The following EPB41L5 variants were observed in gnomAD, a reference collection of about 807,000 sequenced individuals.
EPB41L5 encodes the protein erythrocyte membrane protein band 4.1 like 5.
In EPB41L5, 55 loss-of-function variants were observed where a neutral mutation model predicts 106.6. That is an observed-to-expected ratio of 0.52 (90% CI 0.42 to 0.65). The LOEUF (loss-of-function observed/expected upper bound fraction) is 0.65, where lower values mean the gene tolerates loss of function less well. Ranked by LOEUF, EPB41L5 falls within the 30% of genes least tolerant of loss-of-function variation. The pLI is 0.00. For missense variants in EPB41L5, 871 were observed against 882.1 expected (o/e 0.99, Z 0.16); for synonymous variants, 297 against 306.7 (o/e 0.97, Z 0.33).
chr2:120,059,566 T>A (rs974975606), intron 3 of EPB41L5, among the ~76,000 whole-genome samples: 7 of 152,192 alleles, frequency 4.6e-5, no homozygotes, highest in African/African-American at 1.7e-4. Flanking sequence ...GAGAAAGTAT[T>A]CGTATATCAC....
chr2:120,061,989 A>G (rs145182824), intron 3 of EPB41L5, among the ~76,000 whole-genome samples: 1 of 152,196 alleles, frequency 6.6e-6, no homozygotes, highest in East Asian at 1.9e-4. Context: ...TATTTTTTAT[A>G]CTGAATTTTG....
intron 1 of EPB41L5, among the ~76,000 whole-genome samples, chr2:120,014,656 G>T (rs1677388346): frequency 1.3e-5 from 2 of 152,214 alleles, no homozygotes. Flanking sequence ...AAATGGGAGC[G>T]GGTGGAAGAG....
chr2:120,134,529 A>G lies in EPB41L5; in HGVS notation c.1599+2814A>G, dbSNP rs1685840340. On this transcript the variant is annotated intron_variant, in intron 18 of 24. Transcript: ENST00000263713. Reference sequence around the variant, plus strand: ...GCTTCACTGGCAGGTCTGACTCAGCACAGTGTCAGTGGGTAGCCACAGGGG... The same window carrying G: ...GCTTCACTGGCAGGTCTGACTCAGCGCAGTGTCAGTGGGTAGCCACAGGGG... Among the ~76,000 whole-genome samples the G allele has an allele frequency of 2.0e-5, 3 of 152,310 alleles. No individual in the cohort carries two copies. The South Asian group carries it at 6.2e-4, about 32-fold the overall frequency.
At chr2:120,106,733 GTGACC>G in intron 16 of EPB41L5, 1 of 985,434 alleles carries the variant, frequency 1.0e-6, no homozygotes, top group Non-Finnish European at 1.2e-6. Flanking sequence ...AGCAAAGCTA[GTGACC>G]TTCACACTTT....
chr2:120,172,282 G>T (rs1301388121), intron 24 of EPB41L5, among the ~76,000 whole-genome samples: 2 of 152,172 alleles, frequency 1.3e-5, no homozygotes, highest in Non-Finnish European at 2.9e-5. Flanking sequence ...TGAGTTTCTA[G>T]ATTAAAGAGG....
chr2:120,073,864 T>C (rs1055963898), intron 4 of EPB41L5, among the ~76,000 whole-genome samples: 1 of 152,212 alleles, frequency 6.6e-6, no homozygotes, highest in Non-Finnish European at 1.5e-5. Flanking sequence ...TGCATTTGGC[T>C]CTGAACTGTT....
intron 23 of EPB41L5, 108 bp from the exon 24 acceptor site, chr2:120,167,769 A>G: frequency 7.3e-7 from 1 of 1,361,312 alleles, no homozygotes; most frequent in African/African-American, 1.5e-5. Flanking sequence ...AATTATCAAA[A>G]CCATCTTCGT....
At chr2:120,087,865 G>C (rs1683167169) in intron 11 of EPB41L5, among the ~76,000 whole-genome samples, 1 of 152,144 alleles carries the variant, frequency 6.6e-6, no homozygotes, top group South Asian at 2.1e-4. Context: ...GATTACCTTT[G>C]TATCAGTTAC....
intron 18 of EPB41L5, 113 bp from the exon 19 acceptor site, chr2:120,142,890 T>C: frequency 1.1e-6 from 1 of 930,132 alleles, no homozygotes; most frequent in Non-Finnish European, 1.6e-6. Flanking sequence ...TATGGCTGCT[T>C]AAGACACATG....
At chr2:120,105,009 T>C in intron 16 of EPB41L5, 1 of 984,920 alleles carries the variant, frequency 1.0e-6, no homozygotes, top group South Asian at 4.7e-5. Context: ...TTCATTTGAC[T>C]GGCTTTTCTC....
intron 21 of EPB41L5, among the ~76,000 whole-genome samples, chr2:120,161,911 C>T (rs531676686): frequency 6.6e-6 from 1 of 152,314 alleles, no homozygotes; most frequent in African/African-American, 2.4e-5. Context: ...ACCCCACCCC[C>T]AAACCTGGTC....
chr2:120,056,473 A>G (rs943109526), intron 3 of EPB41L5, among the ~76,000 whole-genome samples: 4 of 151,566 alleles, frequency 2.6e-5, no homozygotes, highest in African/African-American at 9.7e-5. Context: ...TAGTTTTTGT[A>G]TTTTTAGTAG....
chr2:120,145,995 T>G (rs1273096399), intron 19 of EPB41L5, among the ~76,000 whole-genome samples: 1 of 152,042 alleles, frequency 6.6e-6, no homozygotes, highest in Non-Finnish European at 1.5e-5. Flanking sequence ...CTAGTAAGAT[T>G]GTGTGAATTT....
chr2:120,071,847 T>C (rs1424504119), intron 3 of EPB41L5, among the ~76,000 whole-genome samples: 1 of 152,120 alleles, frequency 6.6e-6, no homozygotes, highest in African/African-American at 2.4e-5. Context: ...ACCTAGGCAG[T>C]ACCATGCAGG....
chr2:120,035,673 C>A (rs1368221089), intron 2 of EPB41L5, among the ~76,000 whole-genome samples: 1 of 151,982 alleles, frequency 6.6e-6, no homozygotes, highest in Non-Finnish European at 1.5e-5. Flanking sequence ...GGTGAGACCC[C>A]CATCTCTTAA....
At position 120,026,866 on chromosome 2, in the gene EPB41L5, A is replaced by G. The variant is rs552140356; in HGVS notation, c.180+7602A>G. 3.3e-5 allele frequency among the ~76,000 whole-genome samples: 5 copies of G among 152,378 alleles called. No individual in the cohort carries two copies. The East Asian group carries it at 7.7e-4, about 24-fold the overall frequency. ...GATAAGGAACTTGTATCTAGGCTATATAAAGAACACCCAATTTAAAAATGG... is the reference window on the plus strand; with the variant it reads ...GATAAGGAACTTGTATCTAGGCTATGTAAAGAACACCCAATTTAAAAATGG... On this transcript the variant is annotated intron_variant, in intron 2 of 24. Coordinates refer to ENST00000263713, the MANE Select transcript of EPB41L5 (RefSeq NM_020909.4).
At chr2:120,164,804 A>G in intron 21 of EPB41L5, 32 bp from the exon 22 acceptor site, 1 of 1,522,546 alleles carries the variant, frequency 6.6e-7, no homozygotes, top group Middle Eastern at 1.7e-4. Context: ...TAAAGGGGTC[A>G]TTTAACAATT....
intron 20 of EPB41L5, among the ~76,000 whole-genome samples, chr2:120,149,176 T>G (rs990947356): frequency 2.6e-5 from 4 of 152,180 alleles, no homozygotes; most frequent in African/African-American, 9.6e-5. Context: ...GATCATTTAT[T>G]TTTGTAGTAA....
intron 2 of EPB41L5, among the ~76,000 whole-genome samples, chr2:120,025,032 G>A (rs1028192648): frequency 2.0e-5 from 3 of 152,024 alleles, no homozygotes; most frequent in Non-Finnish European, 4.4e-5. Context: ...ATGAGTTAGA[G>A]TCCTTTTCTG....
Sources: gnomAD v4.1 joint callset for allele counts (sites outside exome capture counted in the v4.1 genomes callset) on GRCh38, gnomAD v4.1.1 for gene constraint, MANE v1.5 for transcripts, NCBI Gene and HGNC (gene_info 2026-07-23, HGNC 2026-07-21) for gene names.